NRG1: variants seen among roughly 807,000 people sequenced by gnomAD.
The protein encoded by NRG1 is neuregulin 1.
In NRG1, 18 loss-of-function variants were observed where a neutral mutation model predicts 63.8. The observed-to-expected ratio is 0.28, with a 90% CI of 0.19 to 0.42. The LOEUF is 0.42. NRG1 is among the 10% of genes least tolerant of loss of function. The pLI is 1.00. For missense variants in NRG1, 762 were observed against 814.7 expected (o/e 0.94, Z 0.79); for synonymous variants, 302 against 301.3 (o/e 1.00, Z -0.02).
At chr8:31,907,580 A>T (rs1213557188) in intron 1 of NRG1, among the ~76,000 whole-genome samples, 1 of 152,146 alleles carries the variant, frequency 6.6e-6, no homozygotes, top group Non-Finnish European at 1.5e-5. Flanking sequence ...CCTGACACAT[A>T]GTATGTGCTT....
chr8:32,331,028 T>C (rs1483104622), intron 1 of NRG1, among the ~76,000 whole-genome samples: 2 of 152,180 alleles, frequency 1.3e-5, no homozygotes, highest in Non-Finnish European at 2.9e-5. Context: ...TGAGAGTTTC[T>C]ATTAGTCCTC....
rs1238174913 is a variant in NRG1 at position 32,280,688 on chromosome 8, T to G, written c.38-315140T>G. Among the ~76,000 whole-genome samples, 9 of 96,582 alleles carry G rather than the reference T, an allele frequency of 9.3e-5. No individual in the cohort carries two copies. The East Asian group carries it at 3.1e-3, about 33-fold the overall frequency. 63.4% of individuals were successfully genotyped at this position (96,582 alleles called of 152,430 possible). A position where few individuals can be genotyped will look rare whatever the true frequency, so the allele number is the denominator to read the frequency against. ...TCATGCAACTGAATTAGGTTTTTTTTTTGTTTTTTTTTTTTTTTTTTTTTT... is the reference window on the plus strand; with the variant it reads ...TCATGCAACTGAATTAGGTTTTTTTGTTGTTTTTTTTTTTTTTTTTTTTTT... On this transcript the variant is annotated intron_variant, in intron 1 of 10. Coordinates refer to the NRG1 transcript ENST00000519301.
At chr8:31,699,557 A>T (rs1392983123) in intron 1 of NRG1, among the ~76,000 whole-genome samples, 4 of 152,128 alleles carry the variant, frequency 2.6e-5, no homozygotes, top group Admixed American at 1.3e-4. Context: ...CTTACCCACT[A>T]TAAAGTGTGG....
intron 1 of NRG1, among the ~76,000 whole-genome samples, chr8:31,811,276 G>T (rs950849483): frequency 6.6e-6 from 1 of 152,164 alleles, no homozygotes. Flanking sequence ...AGCTGTTTTA[G>T]GGAGAATCAA....
At chr8:32,238,398 T>C (rs1847786374) in intron 1 of NRG1, among the ~76,000 whole-genome samples, 1 of 149,344 alleles carries the variant, frequency 6.7e-6, no homozygotes, top group South Asian at 2.1e-4. Context: ...GAGATTGCAG[T>C]GAGCCAAGAT....
rs117349434 is a variant in NRG1, at chr8:32,491,312, C to T, written c.38-104516C>T. ...AAATGAGTCTCATTATATTATAGCA[C>T]GAAGAGGATATATTCAAGGAGATAC... On this transcript the variant is annotated intron_variant, in intron 1 of 10. Transcript: ENST00000519301. 1.4e-3 allele frequency among the ~76,000 whole-genome samples: 214 copies of T among 152,104 alleles called. 1 individual carries two copies. The highest frequency in any genetic ancestry group is 2.4e-3 in the African/African-American group (100 of 41,480).
chr8:32,179,234 C>G (rs1841162340), intron 1 of NRG1, among the ~76,000 whole-genome samples: 1 of 146,444 alleles, frequency 6.8e-6, no homozygotes, highest in African/African-American at 2.5e-5. Flanking sequence ...GTGCCTATAT[C>G]CAGTAGAATT....
intron 1 of NRG1, among the ~76,000 whole-genome samples, chr8:32,159,231 T>C (rs1283907261): frequency 6.6e-6 from 1 of 152,218 alleles, no homozygotes. Flanking sequence ...TTGTTTTAGT[T>C]TTTGTTTTAA....
At chr8:32,751,831 C>A (rs999546454) in intron 7 of NRG1, among the ~76,000 whole-genome samples, 7 of 152,108 alleles carry the variant, frequency 4.6e-5, no homozygotes, top group African/African-American at 1.2e-4. Context: ...CATCATGCAC[C>A]ATATGTTTCC....
intron 1 of NRG1, among the ~76,000 whole-genome samples, chr8:32,530,866 C>T (rs1235903265): frequency 6.6e-6 from 1 of 152,084 alleles, no homozygotes; most frequent in South Asian, 2.1e-4. Flanking sequence ...CTGAGGCAGG[C>T]AGATAATCTG....
intron 1 of NRG1, among the ~76,000 whole-genome samples, chr8:31,906,000 G>T (rs925391214): frequency 6.6e-6 from 1 of 152,154 alleles, no homozygotes; most frequent in African/African-American, 2.4e-5. Flanking sequence ...TACTGTATTA[G>T]CCATTAGCCT....
At chr8:32,664,760 G>A (rs965773505) in intron 5 of NRG1, among the ~76,000 whole-genome samples, 5 of 152,098 alleles carry the variant, frequency 3.3e-5, no homozygotes, top group South Asian at 2.1e-4. Flanking sequence ...AATTGAATGC[G>A]GAGAAGGAAG....
intron 5 of NRG1, among the ~76,000 whole-genome samples, chr8:32,663,608 A>G (rs1337146158): frequency 6.6e-6 from 1 of 152,138 alleles, no homozygotes; most frequent in Non-Finnish European, 1.5e-5. Context: ...CAAGGTGCCA[A>G]CTATTTTTTG....
chr8:31,818,544 T>TA (rs928937228), intron 1 of NRG1, among the ~76,000 whole-genome samples: 1 of 152,106 alleles, frequency 6.6e-6, no homozygotes, highest in African/African-American at 2.4e-5. Context: ...TACATTCTCA[T>TA]AAGAAGCATG....
At chr8:32,031,920 A>G (rs1409075759) in intron 1 of NRG1, among the ~76,000 whole-genome samples, 2 of 152,152 alleles carry the variant, frequency 1.3e-5, no homozygotes, top group Non-Finnish European at 2.9e-5. Flanking sequence ...TGCAGTGAAC[A>G]TACACGTGCA....
At chr8:32,504,652 C>A (rs1377844280) in intron 1 of NRG1, among the ~76,000 whole-genome samples, 1 of 151,770 alleles carries the variant, frequency 6.6e-6, no homozygotes, top group African/African-American at 2.4e-5. Flanking sequence ...AAGATTTTAG[C>A]CACAGGTCAG....
chr8:31,798,051 G>T (rs1041429517), intron 1 of NRG1, among the ~76,000 whole-genome samples: 5 of 152,096 alleles, frequency 3.3e-5, no homozygotes, highest in African/African-American at 1.2e-4. Flanking sequence ...GAAGAAAGGA[G>T]AGGGAACGGT....
At chr8:32,235,992 A>C (rs537519598) in intron 1 of NRG1, among the ~76,000 whole-genome samples, 9 of 152,296 alleles carry the variant, frequency 5.9e-5, no homozygotes, top group African/African-American at 1.7e-4. Flanking sequence ...AGCAAATGAA[A>C]TTACTAAACT....
At chr8:32,008,405 C>A (rs1326535575) in intron 1 of NRG1, among the ~76,000 whole-genome samples, 1 of 151,998 alleles carries the variant, frequency 6.6e-6, no homozygotes, top group East Asian at 1.9e-4. Flanking sequence ...CAAAAGAAAG[C>A]ACTTCTTCTT....
Sources: gnomAD v4.1 joint callset for allele counts (sites outside exome capture counted in the v4.1 genomes callset) on GRCh38, gnomAD v4.1.1 for gene constraint, MANE v1.5 for transcripts, NCBI Gene and HGNC (gene_info 2026-07-23, HGNC 2026-07-21) for gene names.